Variants in ANKH observed in about 807,000 individuals in gnomAD.
ANKH encodes mineralization regulator ANKH.
ANKH carries 15 observed loss-of-function variants against 49.0 expected under a neutral mutation model. The ratio of observed to expected loss-of-function variants is 0.31; its 90% confidence interval spans 0.20 to 0.47. ANKH has a LOEUF of 0.47. Ranked by LOEUF, ANKH falls within the 20% of genes least tolerant of loss-of-function variation. The pLI is 1.00. For missense variants in ANKH, 429 were observed against 652.0 expected (o/e 0.66, Z 3.72); for synonymous variants, 273 against 260.0 (o/e 1.05, Z -0.48).
chr5:14,758,408 A>G (rs1018529605), intron 3 of ANKH, 72 bp downstream of exon 3: 1 of 1,172,314 alleles, frequency 8.5e-7, no homozygotes, highest in East Asian at 2.5e-5. Flanking sequence ...CTAAAATGGT[A>G]GATTTTATAT....
At chr5:14,846,022 A>T (rs929082751) in intron 1 of ANKH, among the ~76,000 whole-genome samples, 1 of 150,914 alleles carries the variant, frequency 6.6e-6, no homozygotes. Flanking sequence ...CGCCCGGCAA[A>T]TTTTTTGTAT....
chr5:14,810,624 C>T (rs1740851918), intron 1 of ANKH, among the ~76,000 whole-genome samples: 1 of 152,142 alleles, frequency 6.6e-6, no homozygotes, highest in Admixed American at 6.5e-5. Context: ...CAGTGCCTGG[C>T]CATTTATCCT....
chr5:14,717,477 C>G (rs1737513510), intron 8 of ANKH, among the ~76,000 whole-genome samples: 1 of 152,218 alleles, frequency 6.6e-6, no homozygotes, highest in African/African-American at 2.4e-5. Context: ...GGAGCTCTCT[C>G]CCCACCTCCC....
At chr5:14,847,302 C>T (rs1381270150) in intron 1 of ANKH, among the ~76,000 whole-genome samples, 3 of 152,262 alleles carry the variant, frequency 2.0e-5, no homozygotes, top group East Asian at 1.9e-4. Flanking sequence ...GGGGCTGTTA[C>T]TGGTTTGGAA....
chr5:14,797,199 A>G, intron 1 of ANKH: 1 of 1,336,162 alleles, frequency 7.5e-7, no homozygotes, highest in South Asian at 1.2e-5. Context: ...CATTTGCCAC[A>G]CTTGCATGAT....
rs964482029 is a variant in ANKH at position 14,705,768 on chromosome 5, G to A, written c.*5429C>T. The A allele has an allele frequency of 2.6e-5, 4 of 152,824 alleles. No individual in the cohort carries two copies. Among genetic ancestry groups the A allele is most frequent in the African/African-American group, 9.6e-5 (4 of 41,454 alleles). 9.5% of individuals were successfully genotyped at this position (152,824 alleles called of 1,614,324 possible). On this transcript the variant is annotated 3_prime_UTR_variant, in exon 12 of 12. Coordinates refer to ENST00000284268, the MANE Select transcript of ANKH (RefSeq NM_054027.6). ...CATGACCATCGCTGTGGGGTGCTGGGTGATTGGTGTTGATGTGTACCCTGT... is the reference window on the plus strand; with the variant it reads ...CATGACCATCGCTGTGGGGTGCTGGATGATTGGTGTTGATGTGTACCCTGT...
chr5:14,764,960 C>T (rs1210117433), intron 2 of ANKH, among the ~76,000 whole-genome samples: 1 of 152,216 alleles, frequency 6.6e-6, no homozygotes, highest in Non-Finnish European at 1.5e-5. Flanking sequence ...GCGGTTTCGA[C>T]ATCTTCGTGA....
At chr5:14,803,511 C>A (rs1447679738) in intron 1 of ANKH, among the ~76,000 whole-genome samples, 1 of 152,162 alleles carries the variant, frequency 6.6e-6, no homozygotes, top group East Asian at 1.9e-4. Context: ...AACTCCTGAT[C>A]TCAAGTGATC....
intron 1 of ANKH, chr5:14,797,474 CT>C (rs1384401896): frequency 6.2e-7 from 1 of 1,611,160 alleles, no homozygotes; most frequent in Non-Finnish European, 8.5e-7. Context: ...AGGAATGCAA[CT>C]TAAGTTTCAG....
chr5:14,852,550 AC>A (rs1186021781), intron 1 of ANKH, among the ~76,000 whole-genome samples: 2 of 152,186 alleles, frequency 1.3e-5, no homozygotes, highest in Non-Finnish European at 2.9e-5. Flanking sequence ...GTTCAGGGGT[AC>A]ATGTGCTGGT....
At chr5:14,848,733 G>C (rs532607959) in intron 1 of ANKH, among the ~76,000 whole-genome samples, 6 of 152,210 alleles carry the variant, frequency 3.9e-5, no homozygotes, top group East Asian at 3.9e-4. Flanking sequence ...TCTCTTCCGT[G>C]ACCCACGGCT....
intron 1 of ANKH, among the ~76,000 whole-genome samples, chr5:14,790,775 A>T (rs1463883000): frequency 6.6e-6 from 1 of 151,942 alleles, no homozygotes; most frequent in Non-Finnish European, 1.5e-5. Flanking sequence ...TGCCCAGTTA[A>T]TTTTTTGTAT....
At chr5:14,848,632 C>G (rs1422192956) in intron 1 of ANKH, among the ~76,000 whole-genome samples, 1 of 152,218 alleles carries the variant, frequency 6.6e-6, no homozygotes, top group Non-Finnish European at 1.5e-5. Flanking sequence ...ACTGCCGCTC[C>G]CGATCGGGCT....
At chr5:14,793,404 G>A (rs745609251) in intron 1 of ANKH, among the ~76,000 whole-genome samples, 5 of 152,008 alleles carry the variant, frequency 3.3e-5, no homozygotes, top group Non-Finnish European at 5.9e-5. Flanking sequence ...TAGCTCTTGG[G>A]TATTTCTCTA....
At chr5:14,739,850 T>C (rs1441768773) in intron 8 of ANKH, among the ~76,000 whole-genome samples, 2 of 152,206 alleles carry the variant, frequency 1.3e-5, no homozygotes, top group Non-Finnish European at 2.9e-5. Flanking sequence ...TGAATCTCTA[T>C]TTCTAGAAGG....
intron 1 of ANKH, among the ~76,000 whole-genome samples, chr5:14,794,355 G>C (rs965914166): frequency 1.3e-5 from 2 of 152,234 alleles, no homozygotes; most frequent in Non-Finnish European, 2.9e-5. Context: ...CCACAGAAAG[G>C]AGGCAGGTGA....
Position 14,712,939 on chromosome 5 carries a change from G to C in ANKH, c.1300C>G (p.Leu434Val). The C allele has an allele frequency of 6.2e-7, 1 of 1,613,638 alleles. No individual in the cohort carries two copies. The highest frequency in any genetic ancestry group is 8.5e-7 in the Non-Finnish European group (1 of 1,179,924). Reference sequence around the variant, plus strand: ...GTGGATTCTCCCACAAAGCCCGCCAGGAGGGAGCCCACGCCCAGGGTCGCA... The same window carrying C: ...GTGGATTCTCCCACAAAGCCCGCCACGAGGGAGCCCACGCCCAGGGTCGCA... Reference protein sequence around the residue: ...HGATLGVGSLLAGFVGESTMV... With the variant: ...HGATLGVGSLVAGFVGESTMV... Residue 434 changes from leucine (L) to valine (V), a missense_variant, in exon 11 of 12, where the codon CTG (leucine) becomes GTG (valine). Physicochemically the swap from Leu to Val is conservative, Grantham distance 32. Coordinates refer to ENST00000284268, the MANE Select transcript of ANKH (RefSeq NM_054027.6).
chr5:14,869,016 C>A (rs1735739441), intron 1 of ANKH: 1 of 152,230 alleles, frequency 6.6e-6, no homozygotes, highest in African/African-American at 2.4e-5. Flanking sequence ...TCACTCCCAG[C>A]AAGGTGTAAT....
chr5:14,752,845 A>G (rs1456764449), intron 4 of ANKH, among the ~76,000 whole-genome samples: 1 of 152,190 alleles, frequency 6.6e-6, no homozygotes, highest in Non-Finnish European at 1.5e-5. Flanking sequence ...GTCAGCCTCA[A>G]GTAGGTAGAG....
Sources: allele counts gnomAD v4.1 joint callset (sites outside exome capture counted in the v4.1 genomes callset), GRCh38; gene constraint gnomAD v4.1.1; transcripts MANE v1.5; gene names NCBI Gene and HGNC (gene_info 2026-07-23, HGNC 2026-07-21).